GOLPH3: variants seen among roughly 807,000 people sequenced by gnomAD.
GOLPH3 encodes golgi phosphoprotein 3, also known as coat protein GPP34.
A neutral mutation model predicts 28.5 loss-of-function variants in GOLPH3; 14 were observed. That is an observed-to-expected ratio of 0.49 (90% CI 0.32 to 0.77). The LOEUF (loss-of-function observed/expected upper bound fraction) is 0.77. Among genes scored for constraint, GOLPH3 ranks in the 30% least tolerant of loss-of-function variants. The probability of loss-of-function intolerance (pLI) is 0.03; values close to 1 mark genes in which losing one functional copy is unlikely to be tolerated. For synonymous variants in GOLPH3, 158 were observed against 159.2 expected, an observed-to-expected ratio of 0.99 and a Z score of 0.06; for missense variants, 350 against 393.7, an observed-to-expected ratio of 0.89 and a Z score of 0.94.
At chr5:32,136,286 C>A (rs572871820) in intron 2 of GOLPH3, among the ~76,000 whole-genome samples, 2 of 152,052 alleles carry the variant, frequency 1.3e-5, no homozygotes, top group East Asian at 3.9e-4. Context: ...TCAAGACCAG[C>A]CTGGCCAAAA....
intron 3 of GOLPH3, chr5:32,134,905 G>A (rs1037061195): frequency 6.6e-6 from 1 of 152,100 alleles, no homozygotes; most frequent in African/African-American, 2.4e-5. Flanking sequence ...CTGCTTATCT[G>A]TAAGAAAACT....
intron 1 of GOLPH3, among the ~76,000 whole-genome samples, chr5:32,147,528 A>G (rs1395407072): frequency 6.6e-6 from 1 of 152,142 alleles, no homozygotes; most frequent in Non-Finnish European, 1.5e-5. Context: ...AGAGAGACAG[A>G]AAATAGTCCC....
intron 1 of GOLPH3, among the ~76,000 whole-genome samples, chr5:32,148,868 A>G (rs1185082058): frequency 1.3e-5 from 2 of 152,086 alleles, no homozygotes; most frequent in African/African-American, 4.8e-5. Flanking sequence ...CCAGCTACTC[A>G]GGAGGTTGAG....
chr5:32,136,318 A>G (rs1745931221), intron 2 of GOLPH3, among the ~76,000 whole-genome samples: 1 of 151,666 alleles, frequency 6.6e-6, no homozygotes, highest in Non-Finnish European at 1.5e-5. Context: ...CATCTCTACT[A>G]AAAATACAAA....
At chr5:32,153,293 A>G (rs571140974) in intron 1 of GOLPH3, among the ~76,000 whole-genome samples, 3 of 152,310 alleles carry the variant, frequency 2.0e-5, no homozygotes, top group Non-Finnish European at 4.4e-5. Flanking sequence ...TGCTAACAAA[A>G]TATCAGAAAG....
At chr5:32,142,133 G>C (rs1366191980) in intron 2 of GOLPH3, among the ~76,000 whole-genome samples, 2 of 150,760 alleles carry the variant, frequency 1.3e-5, no homozygotes, top group South Asian at 2.1e-4. Context: ...GTCTCTGCCC[G>C]GCCGCCATCC....
At chr5:32,167,119 AT>A (rs1212035184) in intron 1 of GOLPH3, among the ~76,000 whole-genome samples, 3 of 152,184 alleles carry the variant, frequency 2.0e-5, no homozygotes, top group Non-Finnish European at 4.4e-5. Flanking sequence ...TATCAAAAAA[AT>A]CCCCCAAATA....
intron 3 of GOLPH3, among the ~76,000 whole-genome samples, chr5:32,128,626 T>C (rs1348897789): frequency 2.6e-5 from 4 of 151,216 alleles, no homozygotes; most frequent in Non-Finnish European, 5.9e-5. Context: ...GTGCCATTGC[T>C]CTCCAACCTA....
intron 1 of GOLPH3, among the ~76,000 whole-genome samples, chr5:32,171,139 C>T (rs1478932616): frequency 1.3e-5 from 2 of 152,116 alleles, no homozygotes; most frequent in Non-Finnish European, 1.5e-5. Flanking sequence ...ACCCAATCAC[C>T]GAAAAACAGC....
chr5:32,173,767 G>A, intron 1 of GOLPH3, 43 bp downstream of exon 1: 2 of 1,292,322 alleles, frequency 1.5e-6, no homozygotes, highest in Admixed American at 8.3e-5. Context: ...CTGGCGCCCG[G>A]GCCCCGCGCC....
intron 1 of GOLPH3, among the ~76,000 whole-genome samples, chr5:32,171,713 C>G (rs1746842057): frequency 1.3e-5 from 2 of 151,614 alleles, no homozygotes. Flanking sequence ...TTTGGGAGGC[C>G]GAGGCAAGTG....
intron 1 of GOLPH3, among the ~76,000 whole-genome samples, chr5:32,156,407 G>C (rs887299562): frequency 2.6e-5 from 4 of 151,928 alleles, no homozygotes; most frequent in African/African-American, 9.7e-5. Flanking sequence ...GGAGGCTGAG[G>C]CAAGAGAATC....
rs1314670956 is a variant in GOLPH3, at chr5:32,135,614, G to T, written c.430C>A (p.Gln144Lys). The change falls in exon 3 of 4, where the codon CAG becomes AAG. Residue 144 changes from glutamine (Q) to lysine (K), a missense_variant. Transcript: ENST00000265070. ...DEALKHVKET[Q>K]PPETVQNWIE... Reference sequence around the variant, plus strand: ...CAGTTCTGGACCGTTTCTGGAGGCTGAGTTTCCTTAACATGCTTCAGAGCT... The same window carrying T: ...CAGTTCTGGACCGTTTCTGGAGGCTTAGTTTCCTTAACATGCTTCAGAGCT... 12 of 1,613,686 alleles carry T rather than the reference G, an allele frequency of 7.4e-6. No homozygotes were observed. The highest frequency in any genetic ancestry group is 1.3e-5 in the African/African-American group (1 of 74,920).
chr5:32,152,161 C>T (rs1746323158), intron 1 of GOLPH3, among the ~76,000 whole-genome samples: 1 of 151,604 alleles, frequency 6.6e-6, no homozygotes, highest in Admixed American at 6.6e-5. Context: ...GAGTCTCACT[C>T]TGTTGCCCAG....
chr5:32,128,763 A>G (rs1745754117), intron 3 of GOLPH3, among the ~76,000 whole-genome samples: 1 of 152,106 alleles, frequency 6.6e-6, no homozygotes. Context: ...AAAGACCATA[A>G]AATTCATCAC....
At chr5:32,151,899 A>C (rs1435543483) in intron 1 of GOLPH3, among the ~76,000 whole-genome samples, 1 of 152,214 alleles carries the variant, frequency 6.6e-6, no homozygotes, top group Admixed American at 6.5e-5. Flanking sequence ...TTCCACATAT[A>C]TGGGGTACCT....
chr5:32,158,050 ACACACACACACT>A (rs1746479254), intron 1 of GOLPH3, among the ~76,000 whole-genome samples: 1 of 134,104 alleles, frequency 7.5e-6, no homozygotes, highest in African/African-American at 2.8e-5. Context: ...ACACACACAC[ACACACACACACT>A]GGGCAAAATC....
chr5:32,134,292 G>A (rs1412405015), intron 3 of GOLPH3, among the ~76,000 whole-genome samples: 1 of 151,846 alleles, frequency 6.6e-6, no homozygotes, highest in Non-Finnish European at 1.5e-5. Flanking sequence ...TGCAACCTCC[G>A]TCTCCTAGGC....
At chr5:32,162,825 T>C (rs1477858057) in intron 1 of GOLPH3, among the ~76,000 whole-genome samples, 1 of 152,180 alleles carries the variant, frequency 6.6e-6, no homozygotes, top group African/African-American at 2.4e-5. Context: ...ACGCCTGTAA[T>C]CCCAGCACTT....
Sources: gnomAD v4.1 joint callset for allele counts (sites outside exome capture counted in the v4.1 genomes callset) on GRCh38, gnomAD v4.1.1 for gene constraint, MANE v1.5 for transcripts, NCBI Gene and HGNC (gene_info 2026-07-23, HGNC 2026-07-21) for gene names.